PFKFB3: variants seen among roughly 807,000 people sequenced by gnomAD.
PFKFB3 encodes the protein 6-phosphofructo-2-kinase/fructose-2,6-bisphosphatase 3.
Under a neutral mutation model 68.0 loss-of-function variants are expected in PFKFB3, and 33 were observed. That is an observed-to-expected ratio of 0.49 (90% CI 0.37 to 0.65). The LOEUF (loss-of-function observed/expected upper bound fraction) is 0.65, where lower values mean the gene tolerates loss of function less well. Among genes scored for constraint, PFKFB3 ranks in the 30% least tolerant of loss-of-function variants. PFKFB3 has a pLI of 0.00. For synonymous variants in PFKFB3, 315 were observed against 288.2 expected (o/e 1.09, Z -0.94); for missense variants, 586 against 712.2 (o/e 0.82, Z 2.02).
the PFKFB3 span, among the ~76,000 whole-genome samples, chr10:6,290,951 G>A: frequency 1.3e-5 from 2 of 151,774 alleles, no homozygotes; most frequent in East Asian, 3.9e-4. Flanking sequence ...ATTTTTTTCT[G>A]TCTCTTTCTC....
chr10:6,195,288 A>C (rs1052135950), intron 1 of PFKFB3, among the ~76,000 whole-genome samples: 1 of 152,066 alleles, frequency 6.6e-6, no homozygotes, highest in Non-Finnish European at 1.5e-5. Flanking sequence ...TGTTTCCCCT[A>C]CCCTGAATGG....
intron 1 of PFKFB3, among the ~76,000 whole-genome samples, chr10:6,167,255 C>T (rs2182409): frequency 0.25 from 38,513 of 152,152 alleles, 5,103 homozygotes; most frequent in South Asian, 0.38. Flanking sequence ...ACGTTTCAGC[C>T]CTCCAGGTGG....
At position 6,220,824 on chromosome 10, in the gene PFKFB3, C is replaced by T. The variant is rs140258391; in HGVS notation, c.790C>T (p.Arg264Cys). 6.2e-6 allele frequency: 10 copies of T among 1,613,214 alleles called. No individual in the cohort carries two copies. The highest frequency in any genetic ancestry group is 1.7e-5 in the Admixed American group (1 of 60,002). ...HGENEHNLQG[R>C]IGGDSGLSSR... ...CGAGAACGAGCACAACCTCCAGGGC[C>T]GCATCGGGGGCGACTCAGGCCTGTC... is the stretch of plus-strand genomic sequence containing the variant. The change falls in exon 8 of 15, where the codon CGC becomes TGC. Residue 264 changes from arginine to cysteine, a missense_variant. By Grantham distance (180) the Arg-to-Cys change is radical. Transcript: ENST00000379775. The surrounding 1 kb of genome is among the most constrained non-coding windows in gnomAD (Gnocchi z 4.1).
At chr10:6,189,946 T>C (rs1160560453) in intron 1 of PFKFB3, among the ~76,000 whole-genome samples, 1 of 152,092 alleles carries the variant, frequency 6.6e-6, no homozygotes, top group Non-Finnish European at 1.5e-5. Context: ...AATATCTGTT[T>C]TTATTTTTTA....
the PFKFB3 span, chr10:6,326,606 G>A: frequency 2.4e-5 from 11 of 451,510 alleles, no homozygotes; most frequent in African/African-American, 1.2e-4. Context: ...TTGCCCCGAC[G>A]AGGAAGTGTG....
intron 1 of PFKFB3, among the ~76,000 whole-genome samples, chr10:6,175,718 A>G (rs1171002914): frequency 6.6e-6 from 1 of 152,244 alleles, no homozygotes; most frequent in Non-Finnish European, 1.5e-5. Flanking sequence ...GGTGGTGGTC[A>G]TAAAAGAGGC....
At chr10:6,240,424 C>T (rs1301337620), downstream of PFKFB3, among the ~76,000 whole-genome samples, 1 of 151,894 alleles carries the variant, frequency 6.6e-6, no homozygotes, top group African/African-American at 2.4e-5. Flanking sequence ...GCCTCCACGC[C>T]CAGATAATTT....
At chr10:6,217,047 G>A (rs1020798187) in intron 5 of PFKFB3, 88 bp from the exon 6 acceptor site, 16 of 1,348,068 alleles carry the variant, frequency 1.2e-5, no homozygotes, top group Middle Eastern at 1.8e-4. Flanking sequence ...GCGTGCTTCC[G>A]CCTTGTCCGG....
At chr10:6,199,458 T>C (rs1431775434), upstream of PFKFB3, among the ~76,000 whole-genome samples, 10 of 150,768 alleles carry the variant, frequency 6.6e-5, no homozygotes. Context: ...AATTCAGCTA[T>C]GTGAGCACCT....
intron 8 of PFKFB3, 82 bp from the exon 9 acceptor site, chr10:6,221,299 A>C: frequency 6.5e-7 from 1 of 1,537,908 alleles, no homozygotes; most frequent in East Asian, 2.3e-5. Context: ...GCACAGCCCT[A>C]CGTGGGCTGC....
At chr10:6,225,598 C>CT (rs1056446362) in intron 13 of PFKFB3, among the ~76,000 whole-genome samples, 6 of 152,226 alleles carry the variant, frequency 3.9e-5, no homozygotes, top group African/African-American at 1.4e-4. Flanking sequence ...CGCTGTCCCT[C>CT]TCATGGGAGG....
rs1564627869 is a variant in PFKFB3 at position 6,215,284 on chromosome 10, GC to G, written c.270del (p.Asp91ThrfsTer6). The stretch of plus-strand genomic sequence containing the variant: ...CAGTACAGCTCCTACAACTTCTTCC[GC>G]CCCGACAATGAGGAAGCCATGAAAG... ...VKQYSSYNFF[R>X]PDNEEAMKVR... On this transcript the variant is annotated frameshift_variant, in exon 3 of 15. Coordinates refer to ENST00000379775, the MANE Select transcript of PFKFB3 (RefSeq NM_004566.4). LOFTEE classifies it high-confidence loss of function. The surrounding 1 kb of genome is among the most constrained non-coding windows in gnomAD (Gnocchi z 4.3). 5.6e-6 allele frequency: 9 copies of G among 1,613,742 alleles called. No individual in the cohort carries two copies. Among genetic ancestry groups the G allele is most frequent in the African/African-American group, 1.3e-5 (1 of 74,890 alleles).
the PFKFB3 span, among the ~76,000 whole-genome samples, chr10:6,309,267 G>A: frequency 3.9e-5 from 6 of 152,308 alleles, no homozygotes; most frequent in South Asian, 1.2e-3. Context: ...TGTAATAAGA[G>A]TATTATAATT....
chr10:6,261,186 CT>C, the PFKFB3 span, among the ~76,000 whole-genome samples: 2 of 152,204 alleles, frequency 1.3e-5, no homozygotes, highest in Admixed American at 6.5e-5. Flanking sequence ...TGGATACCAT[CT>C]TTTGTGAAGT....
intron 11 of PFKFB3, among the ~76,000 whole-genome samples, chr10:6,223,738 T>C (rs996635419): frequency 1.3e-5 from 2 of 152,178 alleles, no homozygotes; most frequent in Admixed American, 1.3e-4. Context: ...TGCCTCAGCC[T>C]CCTGAGTAGC....
At chr10:6,265,737 T>C in the PFKFB3 span, among the ~76,000 whole-genome samples, 6 of 152,310 alleles carry the variant, frequency 3.9e-5, no homozygotes, top group African/African-American at 1.4e-4. Flanking sequence ...CTCATCCAAA[T>C]TTCTTTTTAA....
At chr10:6,161,656 A>T (rs1487877135) in intron 1 of PFKFB3, among the ~76,000 whole-genome samples, 1 of 103,294 alleles carries the variant, frequency 9.7e-6, no homozygotes, top group Non-Finnish European at 2.4e-5. Flanking sequence ...AGAGAGAGAG[A>T]GAATCTCACT....
the PFKFB3 span, among the ~76,000 whole-genome samples, chr10:6,276,231 A>G: frequency 1.3e-5 from 2 of 152,288 alleles, no homozygotes; most frequent in East Asian, 3.9e-4. Context: ...GAAATAGGAT[A>G]ACAAATGGGA....
At chr10:6,187,296 G>C (rs1441276927) in intron 1 of PFKFB3, among the ~76,000 whole-genome samples, 1 of 152,104 alleles carries the variant, frequency 6.6e-6, no homozygotes, top group Non-Finnish European at 1.5e-5. Flanking sequence ...GGGAGGTGGG[G>C]GTTGCAGTGA....
Sources: allele counts gnomAD v4.1 joint callset (sites outside exome capture counted in the v4.1 genomes callset), GRCh38; gene constraint gnomAD v4.1.1; non-coding constraint Gnocchi (gnomAD v3.1); transcripts MANE v1.5; gene names NCBI Gene and HGNC (gene_info 2026-07-23, HGNC 2026-07-21).